Variants in GARS1 observed in about 807,000 individuals in gnomAD.
GARS1 encodes glycyl-tRNA synthetase 1, also known as glycine--tRNA ligase.
Under a neutral mutation model 86.4 loss-of-function variants are expected in GARS1, and 46 were observed. The observed-to-expected ratio is 0.53, with a 90% CI of 0.42 to 0.68. The LOEUF is 0.68. GARS1 is among the 30% of genes least tolerant of loss of function. The pLI, the probability that GARS1 is intolerant of heterozygous loss-of-function variation, is 0.00. For missense variants in GARS1, 797 were observed against 915.6 expected (o/e 0.87, Z 1.67); for synonymous variants, 342 against 329.8 (o/e 1.04, Z -0.40).
At chr7:30,615,793 GC>G in intron 8 of GARS1, 102 bp from the exon 9 acceptor site, 1 of 1,300,246 alleles carries the variant, frequency 7.7e-7, no homozygotes, top group Non-Finnish European at 1.1e-6. Context: ...ATAGTATGGA[GC>G]CTTTATCACT....
chr7:30,628,792 A>G (rs1475073738), intron 14 of GARS1, 123 bp downstream of exon 14: 5 of 625,156 alleles, frequency 8.0e-6, no homozygotes, highest in Non-Finnish European at 1.5e-5. Flanking sequence ...ATCTAGTGCT[A>G]TTAACACTCA....
At chr7:30,600,088 G>A (rs1446162198) in intron 3 of GARS1, 39 bp downstream of exon 3, 1 of 1,385,314 alleles carries the variant, frequency 7.2e-7, no homozygotes, top group Non-Finnish European at 1.0e-6. Context: ...TGTGTTGTTA[G>A]TGGCTCTAAT....
intron 13 of GARS1, 105 bp downstream of exon 13, chr7:30,626,424 C>A (rs1783128756): frequency 3.3e-5 from 24 of 726,148 alleles, no homozygotes; most frequent in Middle Eastern, 3.7e-4. Flanking sequence ...TGCAGTGGCA[C>A]AACCTCTGCC....
At chr7:30,633,619 A>G in intron 16 of GARS1, 116 bp from the exon 17 acceptor site, 3 of 1,266,094 alleles carry the variant, frequency 2.4e-6, no homozygotes, top group South Asian at 1.2e-5. Flanking sequence ...GCATGAACCC[A>G]TGCCTGGCAT....
chr7:30,611,193 G>A (rs934874500), intron 7 of GARS1, among the ~76,000 whole-genome samples: 3 of 152,108 alleles, frequency 2.0e-5, no homozygotes, highest in African/African-American at 7.2e-5. Flanking sequence ...AGAGAAATGC[G>A]GAAGCCTCTG....
intron 1 of GARS1, among the ~76,000 whole-genome samples, chr7:30,597,427 C>T (rs980867813): frequency 6.6e-6 from 1 of 152,172 alleles, no homozygotes; most frequent in African/African-American, 2.4e-5. Context: ...TTATCCGAAA[C>T]GGCTTTTAAA....
intron 15 of GARS1, chr7:30,631,883 A>G (rs1324826640): frequency 5.2e-6 from 2 of 387,796 alleles, no homozygotes; most frequent in Non-Finnish European, 9.7e-6. Context: ...CAGCCCTGAA[A>G]GGAATCCTGG....
intron 1 of GARS1, among the ~76,000 whole-genome samples, chr7:30,596,962 CAT>C (rs1791262800): frequency 6.6e-6 from 1 of 152,154 alleles, no homozygotes; most frequent in Non-Finnish European, 1.5e-5. Context: ...GTTAGTAGCA[CAT>C]GTTTCATAGA....
chr7:30,631,059 C>T (rs1783226032), intron 14 of GARS1: 1 of 201,524 alleles, frequency 5.0e-6, no homozygotes, highest in Non-Finnish European at 1.0e-5. Flanking sequence ...TTTAGGTAGT[C>T]TCCACAGAAA....
chr7:30,615,611 A>G (rs576837854), intron 8 of GARS1, among the ~76,000 whole-genome samples: 89 of 152,328 alleles, frequency 5.8e-4, no homozygotes, highest in African/African-American at 1.9e-3. Flanking sequence ...ATAGTGAGTA[A>G]TAAAATTTTC....
At position 30,632,916 on chromosome 7, in the gene GARS1, A is replaced by C. The variant is rs1443662336; in HGVS notation, c.2094+479A>C. Reference sequence around the variant, plus strand: ...ATGGAGATGGTAGAAGCACAGAAGGAGAAGGATGAGTGGTAAGGGAAAGGA... The same window carrying C: ...ATGGAGATGGTAGAAGCACAGAAGGCGAAGGATGAGTGGTAAGGGAAAGGA... On this transcript the variant is annotated intron_variant, in intron 16 of 16. Coordinates refer to ENST00000389266, the MANE Select transcript of GARS1 (RefSeq NM_002047.4). This position sits in a 1 kb window ranked among gnomAD's most constrained non-coding sequence, Gnocchi z 4.1. Among the ~76,000 whole-genome samples, 1 of 152,232 alleles carries C rather than the reference A, an allele frequency of 6.6e-6. No homozygotes were observed.
intron 13 of GARS1, chr7:30,627,228 T>G (rs779933942): frequency 1.1e-5 from 4 of 349,968 alleles, no homozygotes; most frequent in Non-Finnish European, 2.3e-5. Context: ...GCTTGTCTTG[T>G]AGCCAGGCTT....
In GARS1 at chr7:30,632,461, T is replaced by G. The variant is rs750732817; in HGVS notation, c.2094+24T>G. On this transcript the variant is annotated intron_variant, in intron 16 of 16. Transcript: ENST00000389266. This position sits in a 1 kb window ranked among gnomAD's most constrained non-coding sequence, Gnocchi z 4.1. ...AGGTATCTGGCCTTCTCTTTGGCAT[T>G]TTTAGCCTTAGAAATGTGTACTGCT... is the stretch of plus-strand genomic sequence containing the variant. The G allele has an allele frequency of 6.2e-7, 1 of 1,610,866 alleles. No individual in the cohort carries two copies. The highest frequency in any genetic ancestry group is 8.5e-7 in the Non-Finnish European group (1 of 1,177,048).
chr7:30,600,894 A>G (rs903852227), intron 3 of GARS1, among the ~76,000 whole-genome samples, 165 bp from the exon 4 acceptor site: 1 of 152,176 alleles, frequency 6.6e-6, no homozygotes, highest in Non-Finnish European at 1.5e-5. Context: ...TTTTTATTTT[A>G]CTTCCATCAG....
chr7:30,595,208 C>A (rs1027068048), intron 1 of GARS1, 65 bp downstream of exon 1: 3 of 1,351,970 alleles, frequency 2.2e-6, no homozygotes, highest in Non-Finnish European at 3.1e-6. Flanking sequence ...TTCTGGTCAT[C>A]CTTCCCTCCT....
In GARS1 at chr7:30,632,440, A is replaced by G; in HGVS notation, c.2094+3A>G. Reference sequence around the variant, plus strand: ...CAATGCGGCAGATAAGAGCAGAGGTATCTGGCCTTCTCTTTGGCATTTTTA... The same window carrying G: ...CAATGCGGCAGATAAGAGCAGAGGTGTCTGGCCTTCTCTTTGGCATTTTTA... On this transcript the variant is annotated splice_donor_region_variant and intron_variant, in intron 16 of 16. Coordinates refer to ENST00000389266, the MANE Select transcript of GARS1 (RefSeq NM_002047.4). This position sits in a 1 kb window ranked among gnomAD's most constrained non-coding sequence, Gnocchi z 4.1. 6.2e-7 allele frequency: 1 copy of G among 1,614,076 alleles called. No individual in the cohort carries two copies.
chr7:30,633,892 CTAA>C lies in GARS1; in HGVS notation c.*36_*38del. 1 of 1,258,440 alleles carries C rather than the reference CTAA, an allele frequency of 7.9e-7. No individual in the cohort carries two copies. Among genetic ancestry groups the C allele is most frequent in the East Asian group, 2.9e-5 (1 of 34,230 alleles). 78.0% of individuals were successfully genotyped at this position (1,258,440 alleles called of 1,614,324 possible). ...TTTTGACAACTTTTGACCACTTGCGCTAATAAAAAAAAAAAAAAACTACTCTTA... is the reference window on the plus strand; with the variant it reads ...TTTTGACAACTTTTGACCACTTGCGCTAAAAAAAAAAAAAAACTACTCTTA... On this transcript the variant is annotated 3_prime_UTR_variant, in exon 17 of 17. Coordinates refer to ENST00000389266, the MANE Select transcript of GARS1 (RefSeq NM_002047.4).
At chr7:30,616,454 A>C (rs1034098900) in intron 9 of GARS1, among the ~76,000 whole-genome samples, 1 of 152,192 alleles carries the variant, frequency 6.6e-6, no homozygotes, top group African/African-American at 2.4e-5. Flanking sequence ...CTTGCATATA[A>C]GCACTTTGTA....
At chr7:30,616,081 A>G (rs930170206) in intron 9 of GARS1, 23 bp downstream of exon 9, 11 of 1,613,742 alleles carry the variant, frequency 6.8e-6, no homozygotes, top group Middle Eastern at 1.7e-4. Context: ...AGGTAACTTA[A>G]CTTAGATTGT....
Sources: allele counts gnomAD v4.1 joint callset (sites outside exome capture counted in the v4.1 genomes callset), GRCh38; gene constraint gnomAD v4.1.1; non-coding constraint Gnocchi (gnomAD v3.1); transcripts MANE v1.5; gene names NCBI Gene and HGNC (gene_info 2026-07-23, HGNC 2026-07-21).